ADAMTSL1: variants seen among roughly 807,000 people sequenced by gnomAD.
ADAMTSL1 encodes the protein ADAMTS-like protein 1.
ADAMTSL1 carries 126 observed loss-of-function variants against 201.8 expected under a neutral mutation model. The ratio of observed to expected loss-of-function variants is 0.62; its 90% CI spans 0.54 to 0.72. ADAMTSL1 has a LOEUF of 0.72. ADAMTSL1 is among the 30% of genes least tolerant of loss of function. The pLI is 0.00. For missense variants in ADAMTSL1, 2,679 were observed against 2,277.8 expected, an observed-to-expected ratio of 1.18 and a Z score of -3.59; for synonymous variants, 1,121 against 903.4, an observed-to-expected ratio of 1.24 and a Z score of -4.32.
intron 1 of ADAMTSL1, among the ~76,000 whole-genome samples, chr9:18,161,478 A>G (rs1320009200): frequency 6.6e-6 from 1 of 152,072 alleles, no homozygotes; most frequent in Non-Finnish European, 1.5e-5. Context: ...ATGTTTCATA[A>G]AATATGGGAT....
chr9:18,025,461 T>A (rs1267902294), intron 1 of ADAMTSL1, among the ~76,000 whole-genome samples: 1 of 152,094 alleles, frequency 6.6e-6, no homozygotes, highest in African/African-American at 2.4e-5. Flanking sequence ...TCAGTTTTAT[T>A]CTTCTGTGTA....
intron 1 of ADAMTSL1, among the ~76,000 whole-genome samples, chr9:18,488,767 C>A (rs1663533537): frequency 6.6e-6 from 1 of 152,198 alleles, no homozygotes; most frequent in Admixed American, 6.5e-5. Context: ...CAGAAACCAA[C>A]CTCTTGTCTT....
In ADAMTSL1 at chr9:18,627,060, A is replaced by G. The variant is rs536374635; in HGVS notation, c.601+4691A>G. Among the ~76,000 whole-genome samples, 82 of 151,350 alleles carry G rather than the reference A, an allele frequency of 5.4e-4. 1 individual carries two copies. The highest frequency in any genetic ancestry group is 1.9e-3 in the South Asian group (9 of 4,802). On this transcript the variant is annotated intron_variant, in intron 5 of 28. Transcript: ENST00000380548. ...GCACTATCACAGCTCAGCTCATTGC[A>G]GCCTTGACCTCCTGGACTCAGGTGA... is the stretch of plus-strand genomic sequence containing the variant.
chr9:18,397,862 G>A (rs1817816111), intron 2 of ADAMTSL1, among the ~76,000 whole-genome samples: 1 of 152,054 alleles, frequency 6.6e-6, no homozygotes, highest in African/African-American at 2.4e-5. Context: ...GATGTCTTAA[G>A]GTCATTTATC....
intron 16 of ADAMTSL1, among the ~76,000 whole-genome samples, chr9:18,769,541 C>T (rs1820564407): frequency 6.6e-6 from 1 of 152,192 alleles, no homozygotes; most frequent in South Asian, 2.1e-4. Context: ...TAAACACAGA[C>T]AGTCCAGAGC....
chr9:18,626,608 C>A (rs189397156), intron 5 of ADAMTSL1, among the ~76,000 whole-genome samples: 4 of 152,198 alleles, frequency 2.6e-5, no homozygotes, highest in Admixed American at 1.3e-4. Flanking sequence ...TTTTGTAAGT[C>A]TGAATGAAAT....
In ADAMTSL1 at chr9:18,889,670, T is replaced by C. The variant is rs1319855111; in HGVS notation, c.4565T>C (p.Val1522Ala). 6.2e-7 allele frequency: 1 copy of C among 1,608,576 alleles called. No individual in the cohort carries two copies. Among genetic ancestry groups the C allele is most frequent in the Non-Finnish European group, 8.5e-7 (1 of 1,177,520 alleles). The change falls in exon 25 of 29, where the codon GTC becomes GCC. Residue 1522 changes from valine to alanine, a missense_variant. By Grantham distance (64) the Val-to-Ala change is moderately conservative. Transcript: ENST00000380548. ...AGGTGCCTGCTGAACAGCACGGAGG[T>C]CAACCCTGCCCACTGCGCAGGGAAG... Reference protein sequence around the residue: ...RLRCLLNSTEVNPAHCAGKVR... With the variant: ...RLRCLLNSTEANPAHCAGKVR...
At chr9:18,012,620 C>T (rs918281904) in intron 1 of ADAMTSL1, among the ~76,000 whole-genome samples, 1 of 152,012 alleles carries the variant, frequency 6.6e-6, no homozygotes, top group Non-Finnish European at 1.5e-5. Flanking sequence ...AATGCTGAGA[C>T]AGGTGACAGA....
chr9:17,960,710 A>C lies in ADAMTSL1; in HGVS notation c.87+53788A>C, dbSNP rs10120758. 6.7e-3 allele frequency among the ~76,000 whole-genome samples: 1,015 copies of C among 152,258 alleles called. 6 individuals carry two copies. The highest frequency in any genetic ancestry group is 0.012 in the Non-Finnish European group (793 of 68,008). Reference sequence around the variant, plus strand: ...TTCTTTTCTCACTATTCCTGTATTCATCTGTCTTTTTAACATCTCGGTCTT... The same window carrying C: ...TTCTTTTCTCACTATTCCTGTATTCCTCTGTCTTTTTAACATCTCGGTCTT... On this transcript the variant is annotated intron_variant, in intron 1 of 29. Coordinates refer to the ADAMTSL1 transcript ENST00000680146.
chr9:18,157,786 C>A (rs895211653), intron 1 of ADAMTSL1, among the ~76,000 whole-genome samples: 1 of 151,882 alleles, frequency 6.6e-6, no homozygotes, highest in Non-Finnish European at 1.5e-5. Context: ...TATTAGCCAC[C>A]CCCACGATCT....
At chr9:18,322,690 G>A (rs4595222) in intron 2 of ADAMTSL1, among the ~76,000 whole-genome samples, 12,834 of 152,040 alleles carry the variant, frequency 0.084, 721 homozygotes, top group East Asian at 0.23. Context: ...AATACCAATA[G>A]AGGAGACAAG....
chr9:18,742,127 T>C (rs1818866901), intron 15 of ADAMTSL1, among the ~76,000 whole-genome samples: 1 of 152,210 alleles, frequency 6.6e-6, no homozygotes, highest in African/African-American at 2.4e-5. Flanking sequence ...GGATCCACCC[T>C]AGTGACCTCA....
At chr9:18,080,177 A>AT (rs1269679918) in intron 1 of ADAMTSL1, among the ~76,000 whole-genome samples, 1 of 152,226 alleles carries the variant, frequency 6.6e-6, no homozygotes, top group Non-Finnish European at 1.5e-5. Context: ...CTGGAAATAG[A>AT]TGAGAGGACT....
chr9:18,793,589 T>A (rs1053429786), intron 19 of ADAMTSL1, among the ~76,000 whole-genome samples: 15 of 152,128 alleles, frequency 9.9e-5, no homozygotes, highest in Non-Finnish European at 1.0e-4. Flanking sequence ...TAGGGAAGGA[T>A]GCTAGCATAA....
intron 2 of ADAMTSL1, among the ~76,000 whole-genome samples, chr9:18,458,930 G>A (rs983316979): frequency 5.3e-5 from 8 of 152,090 alleles, no homozygotes; most frequent in Non-Finnish European, 7.4e-5. Context: ...CTTATCAACA[G>A]TATTTTAAAA....
intron 5 of ADAMTSL1, among the ~76,000 whole-genome samples, chr9:18,625,099 C>T (rs377299298): frequency 4.6e-5 from 7 of 152,296 alleles, no homozygotes; most frequent in African/African-American, 1.7e-4. Context: ...GGCTGCTCTG[C>T]AGGGCCCAGT....
intron 14 of ADAMTSL1, among the ~76,000 whole-genome samples, chr9:18,711,579 C>G (rs201720503): frequency 3.3e-5 from 5 of 152,202 alleles, no homozygotes; most frequent in Admixed American, 6.5e-5. Flanking sequence ...TATCCCGCAC[C>G]TGGCTCGGAG....
intron 1 of ADAMTSL1, among the ~76,000 whole-genome samples, chr9:18,140,700 C>T (rs557242841): frequency 3.9e-5 from 6 of 152,166 alleles, no homozygotes; most frequent in Non-Finnish European, 8.8e-5. Context: ...ATGGTGGGAG[C>T]ATGCCTGAAA....
chr9:18,187,155 CCTAA>C (rs931663978), intron 2 of ADAMTSL1, among the ~76,000 whole-genome samples: 6 of 152,072 alleles, frequency 3.9e-5, no homozygotes, highest in Non-Finnish European at 8.8e-5. Context: ...CAGTCATGGG[CCTAA>C]CTAACTTCTC....
Sources: gnomAD v4.1 joint callset for allele counts (sites outside exome capture counted in the v4.1 genomes callset) on GRCh38, gnomAD v4.1.1 for gene constraint, MANE v1.5 for transcripts, NCBI Gene and HGNC (gene_info 2026-07-23, HGNC 2026-07-21) for gene names.